Variants in FOLH1 observed in about 807,000 individuals in gnomAD.
FOLH1 encodes the protein folate hydrolase 1, also known as glutamate carboxypeptidase 2.
In FOLH1, 54 loss-of-function variants were observed where a neutral mutation model predicts 93.9. That is an observed-to-expected ratio of 0.57 (90% CI 0.46 to 0.72). The LOEUF is 0.72. Ranked by LOEUF, FOLH1 falls within the 30% of genes least tolerant of loss-of-function variation. FOLH1 has a pLI of 0.00. For synonymous variants in FOLH1, 249 were observed against 303.6 expected (o/e 0.82, Z 1.87); for missense variants, 571 against 892.5 (o/e 0.64, Z 4.59).
chr11:49,206,627 A>G, intron 1 of FOLH1: 1 of 650,578 alleles, frequency 1.5e-6, no homozygotes, highest in Non-Finnish European at 2.5e-6. Flanking sequence ...TATTTCAAAT[A>G]AATAAATTAT....
intron 9 of FOLH1, 26 bp from the exon 10 acceptor site, chr11:49,173,502 T>G: frequency 6.4e-7 from 1 of 1,559,014 alleles, no homozygotes; most frequent in South Asian, 1.2e-5. Flanking sequence ...ACAAGATTAT[T>G]TGTCATTTCA....
chr11:49,163,483 C>T (rs1276599624), intron 13 of FOLH1, among the ~76,000 whole-genome samples: 3 of 145,170 alleles, frequency 2.1e-5, no homozygotes, highest in African/African-American at 7.7e-5. Flanking sequence ...CAGCCCACCC[C>T]TCCACCCCCA....
Position 49,173,615 on chromosome 11 carries a change from AAT to A in FOLH1, c.1106-141_1106-140del, listed in dbSNP as rs552732483. On this transcript the variant is annotated intron_variant, in intron 9 of 18. Coordinates refer to ENST00000256999, the MANE Select transcript of FOLH1 (RefSeq NM_004476.3). ...GGCTAGGTTCCCCAAGATTTGTGAAAATATGTTATTTCTGATTTTAATATGTG... is the reference window on the plus strand; with the variant it reads ...GGCTAGGTTCCCCAAGATTTGTGAAAATGTTATTTCTGATTTTAATATGTG... 73 of 882,298 alleles carry A rather than the reference AAT, an allele frequency of 8.3e-5. 1 individual carries two copies. In the South Asian group the frequency reaches 2.4e-3, roughly 29 times the overall value. The allele number at this position is 882,298 out of a possible 1,614,324, so 54.7% of individuals were successfully genotyped here.
chr11:49,206,500 T>C lies in FOLH1; in HGVS notation c.119-328A>G, dbSNP rs2142018. Among the ~76,000 whole-genome samples, 1,289 of 152,334 alleles carry C rather than the reference T, an allele frequency of 8.5e-3. 18 individuals carry two copies. Among genetic ancestry groups the C allele is most frequent in the African/African-American group, 0.03 (1,242 of 41,568 alleles). ...TTTCAACTAATGGGTGTAAACGAGA[T>C]GTTCTGAAAATGAAGGCAAAAAGGA... On this transcript the variant is annotated intron_variant, in intron 1 of 18. Coordinates refer to ENST00000256999, the MANE Select transcript of FOLH1 (RefSeq NM_004476.3).
chr11:49,162,612 A>T (rs1857833775), intron 13 of FOLH1, among the ~76,000 whole-genome samples: 1 of 152,136 alleles, frequency 6.6e-6, no homozygotes, highest in Admixed American at 6.5e-5. Flanking sequence ...TCTCAGCCTC[A>T]ACCCGGTTCC....
chr11:49,162,821 T>G (rs1187688924), intron 13 of FOLH1: 1 of 152,118 alleles, frequency 6.6e-6, no homozygotes, highest in Non-Finnish European at 1.5e-5. Flanking sequence ...TCTAGCCACT[T>G]TTCTGCAGGG....
At chr11:49,152,765 T>C (rs1856625423) in intron 17 of FOLH1, among the ~76,000 whole-genome samples, 1 of 152,172 alleles carries the variant, frequency 6.6e-6, no homozygotes, top group African/African-American at 2.4e-5. Context: ...TTCTGAACCA[T>C]TTCAAATGGT....
chr11:49,206,974 G>A (rs1018718051), intron 1 of FOLH1: 3 of 576,894 alleles, frequency 5.2e-6, no homozygotes, highest in Non-Finnish European at 6.2e-6. Flanking sequence ...CTTTCATGGA[G>A]CTTTCCAATT....
At position 49,208,486 on chromosome 11, in the gene FOLH1, G is replaced by C; in HGVS notation, c.-77C>G. 2 of 985,154 alleles carry C rather than the reference G, an allele frequency of 2.0e-6. No individual in the cohort carries two copies. Among genetic ancestry groups the C allele is most frequent in the South Asian group, 3.2e-5 (2 of 62,784 alleles). 61.0% of individuals were successfully genotyped at this position (985,154 alleles called of 1,614,324 possible). ...TACTGCGCGCCCTCCAACCACCACG[G>C]CGGGGTAAAGTCTCTCTCAATCTCA... is the stretch of plus-strand genomic sequence containing the variant. On this transcript the variant is annotated 5_prime_UTR_variant, in exon 1 of 19. Coordinates refer to ENST00000256999, the MANE Select transcript of FOLH1 (RefSeq NM_004476.3).
chr11:49,159,983 C>T (rs1239510967), intron 13 of FOLH1, among the ~76,000 whole-genome samples: 2 of 151,034 alleles, frequency 1.3e-5, no homozygotes, highest in African/African-American at 2.4e-5. Flanking sequence ...AGTGCAATTG[C>T]GCGATCTCTG....
chr11:49,204,823 C>G (rs187091149), intron 2 of FOLH1, among the ~76,000 whole-genome samples: 1 of 152,194 alleles, frequency 6.6e-6, no homozygotes, highest in East Asian at 1.9e-4. Context: ...ACCAGCGAAT[C>G]CTGCAATCAT....
rs1488147784 is a variant in FOLH1 at position 49,183,214 on chromosome 11, C to T, written c.855G>A (p.Glu285=). ...CAGGAATACTTGGAAGACCAACAGC[C>T]TCTGCAATTCCACGCCTATAAGCAT... The part of the protein sequence containing the change: ...NEYAYRRGIA[E]AVGLPSIPVH... Residue 285 remains glutamate, a synonymous_variant, in exon 7 of 19, where the codon GAG becomes GAA. Coordinates refer to ENST00000256999, the MANE Select transcript of FOLH1 (RefSeq NM_004476.3). 3.7e-6 allele frequency: 6 copies of T among 1,612,792 alleles called. No individual in the cohort carries two copies. In the Admixed American group the frequency reaches 6.7e-5, roughly 18 times the overall value.
At chr11:49,194,034 C>A (rs1402845536) in intron 3 of FOLH1, among the ~76,000 whole-genome samples, 2 of 151,224 alleles carry the variant, frequency 1.3e-5, no homozygotes, top group African/African-American at 4.9e-5. Context: ...TGCTTGTAAT[C>A]CCAGCTACTC....
intron 11 of FOLH1, among the ~76,000 whole-genome samples, chr11:49,170,884 ACT>A (rs1438001977): frequency 2.8e-4 from 42 of 152,290 alleles, no homozygotes; most frequent in Middle Eastern, 3.4e-3. Flanking sequence ...TGATTAAGAA[ACT>A]AACTCCTTGT....
intron 7 of FOLH1, among the ~76,000 whole-genome samples, chr11:49,178,862 T>C (rs889910484): frequency 6.6e-6 from 1 of 152,204 alleles, no homozygotes; most frequent in African/African-American, 2.4e-5. Context: ...CATATTAATT[T>C]TGATTTGACA....
In FOLH1 at chr11:49,208,326, C is replaced by T; in HGVS notation, c.84G>A (p.Leu28=). Residue 28 remains leucine, a synonymous_variant, in exon 1 of 19, where the codon CTG becomes CTA. Transcript: ENST00000256999. ...PRWLCAGALV[L]AGGFFLLGFL... Reference sequence around the variant, plus strand: ...AGCCGAGGAGAAAGAAGCCACCCGCCAGCACCAGCGCCCCAGCGCACAGCC... The same window carrying T: ...AGCCGAGGAGAAAGAAGCCACCCGCTAGCACCAGCGCCCCAGCGCACAGCC... 6.3e-7 allele frequency: 1 copy of T among 1,592,026 alleles called. No homozygotes were observed. Among genetic ancestry groups the T allele is most frequent in the Middle Eastern group, 1.7e-4 (1 of 5,980 alleles).
chr11:49,147,447 T>G (rs200479689), intron 18 of FOLH1, among the ~76,000 whole-genome samples: 2 of 2,094 alleles, frequency 9.6e-4, no homozygotes, highest in African/African-American at 3.7e-3. Context: ...TCTATTGTGG[T>G]TTTTTTTTTG....
chr11:49,166,388 C>T (rs1858411815), intron 12 of FOLH1, among the ~76,000 whole-genome samples: 1 of 152,200 alleles, frequency 6.6e-6, no homozygotes, highest in African/African-American at 2.4e-5. Flanking sequence ...CTCTGAGTGT[C>T]AGTTTCTTCT....
Position 49,185,737 on chromosome 11 carries a change from A to G in FOLH1, c.758T>C (p.Val253Ala), listed in dbSNP as rs745552201. Residue 253 changes from valine (V) to alanine (A), a missense_variant, in exon 6 of 19, where the codon GTC (valine) becomes GCC (alanine). Val to Ala is a moderately conservative substitution (Grantham distance 64). Coordinates refer to ENST00000256999, the MANE Select transcript of FOLH1 (RefSeq NM_004476.3). The stretch of plus-strand genomic sequence containing the variant: ...CAGATTTAGGATATTTCCACGCTGG[A>G]CACCACCTCCAGGAAGATTCCAACC... ...PDGWNLPGGG[V>A]QRGNILNLNG... The G allele has an allele frequency of 6.2e-7, 1 of 1,613,454 alleles. No individual in the cohort carries two copies. The highest frequency in any genetic ancestry group is 8.5e-7 in the Non-Finnish European group (1 of 1,179,758).
Sources: gnomAD v4.1 joint callset for allele counts (sites outside exome capture counted in the v4.1 genomes callset) on GRCh38, gnomAD v4.1.1 for gene constraint, MANE v1.5 for transcripts, NCBI Gene and HGNC (gene_info 2026-07-23, HGNC 2026-07-21) for gene names.